SGCE: variants seen among roughly 807,000 people sequenced by gnomAD.
The protein encoded by SGCE is epsilon-sarcoglycan.
SGCE carries 26 observed loss-of-function variants against 57.8 expected under a neutral mutation model. That is an observed-to-expected ratio of 0.45 (90% CI 0.33 to 0.62). SGCE has a LOEUF of 0.62. SGCE is among the 20% of genes least tolerant of loss of function. The pLI, the probability that SGCE is intolerant of heterozygous loss-of-function variation, is 0.02. For synonymous variants in SGCE, 183 were observed against 189.5 expected, an observed-to-expected ratio of 0.97 and a Z score of 0.28; for missense variants, 468 against 548.6, an observed-to-expected ratio of 0.85 and a Z score of 1.47.
At chr7:94,618,995 A>G in intron 4 of SGCE, 39 bp from the exon 5 acceptor site, 2 of 1,363,782 alleles carry the variant, frequency 1.5e-6, no homozygotes, top group Non-Finnish European at 2.1e-6. Flanking sequence ...TCTTTAATGA[A>G]GTAGTCTTTT....
At chr7:94,646,025 C>T (rs1807020535) in intron 1 of SGCE, among the ~76,000 whole-genome samples, 1 of 152,054 alleles carries the variant, frequency 6.6e-6, no homozygotes, top group African/African-American at 2.4e-5. Context: ...ACTGTAGAGG[C>T]TACTCAGAAG....
At chr7:94,642,767 A>C (rs766611822) in intron 1 of SGCE, among the ~76,000 whole-genome samples, 1 of 152,214 alleles carries the variant, frequency 6.6e-6, no homozygotes, top group East Asian at 1.9e-4. Context: ...CAGGTGGCCA[A>C]ATTCTTCTCT....
At chr7:94,625,965 T>C (rs1803656466) in intron 3 of SGCE, 1 of 152,050 alleles carries the variant, frequency 6.6e-6, no homozygotes, top group South Asian at 2.1e-4. Context: ...GTATGAGATA[T>C]TCAGTACTGC....
chr7:94,598,908 T>C lies in SGCE; in HGVS notation c.1120A>G (p.Met374Val). ...IQKSTKELRD[M>V]SKNREIAWPL... ...CATGCTATCTCTCTATTCTTGGACA[T>C]GTCTCGAAGCTCCTTGGTAGATTTC... is the stretch of plus-strand genomic sequence containing the variant. Residue 374 changes from methionine to valine, a missense_variant, in exon 9 of 11, where the codon ATG becomes GTG. Transcript: ENST00000648936. The C allele has an allele frequency of 6.2e-7, 1 of 1,613,948 alleles. No individual in the cohort carries two copies. The highest frequency in any genetic ancestry group is 8.5e-7 in the Non-Finnish European group (1 of 1,179,876).
At chr7:94,633,677 T>C (rs926247734) in intron 1 of SGCE, among the ~76,000 whole-genome samples, 1 of 152,164 alleles carries the variant, frequency 6.6e-6, no homozygotes, top group Non-Finnish European at 1.5e-5. Context: ...CCTTTACTAA[T>C]AGTCCAGTGG....
At chr7:94,647,503 A>G (rs1807267219) in intron 1 of SGCE, among the ~76,000 whole-genome samples, 1 of 152,192 alleles carries the variant, frequency 6.6e-6, no homozygotes, top group African/African-American at 2.4e-5. Context: ...ACAAACAGCT[A>G]AAGTGCTCTT....
chr7:94,651,159 A>G (rs1283158000), intron 1 of SGCE, among the ~76,000 whole-genome samples: 1 of 152,202 alleles, frequency 6.6e-6, no homozygotes, highest in African/African-American at 2.4e-5. Flanking sequence ...GCCACCATAC[A>G]AAGTCATCTC....
At chr7:94,650,999 A>G (rs1807793033) in intron 1 of SGCE, among the ~76,000 whole-genome samples, 1 of 152,222 alleles carries the variant, frequency 6.6e-6, no homozygotes, top group Non-Finnish European at 1.5e-5. Context: ...AATGGACACA[A>G]TACTACAGAT....
Position 94,603,425 on chromosome 7 carries a change from G to A in SGCE, c.690C>T (p.Val230=). The change falls in exon 6 of 11, where the codon GTC becomes GTT. Residue 230 remains valine (V), a synonymous_variant. Transcript: ENST00000648936. ...EGVYVMVGAD[V]PFSSCLREVE... ...CTTCTCGTAAACAAGAAGAAAACGG[G>A]ACATCTGCACCAACCATGACATAAA... 1.2e-6 allele frequency: 2 copies of A among 1,613,222 alleles called. No individual in the cohort carries two copies. Among genetic ancestry groups the A allele is most frequent in the Non-Finnish European group, 1.7e-6 (2 of 1,179,490 alleles).
chr7:94,588,186 T>C (rs1436493043), intron 10 of SGCE: 50 of 1,079,570 alleles, frequency 4.6e-5, no homozygotes, highest in Non-Finnish European at 5.5e-5. Flanking sequence ...CCAAGGAGAA[T>C]TGTCCGCCAT....
At chr7:94,617,805 C>T (rs1802159730) in intron 5 of SGCE, 1 of 152,096 alleles carries the variant, frequency 6.6e-6, no homozygotes, top group Admixed American at 6.6e-5. Flanking sequence ...TACCCACAGA[C>T]TGCATCCATG....
At chr7:94,603,215 T>C in intron 6 of SGCE, 75 bp downstream of exon 6, 2 of 1,156,730 alleles carry the variant, frequency 1.7e-6, no homozygotes, top group South Asian at 2.6e-5. Context: ...CTAAAAGCAG[T>C]TCAGGTTTTA....
At chr7:94,599,637 A>G (rs1265353264) in intron 8 of SGCE, 60 bp downstream of exon 8, 4 of 1,332,294 alleles carry the variant, frequency 3.0e-6, no homozygotes, top group African/African-American at 1.4e-5. Context: ...ATGGAGCATG[A>G]TGGGCAACTG....
In SGCE at chr7:94,600,685, A is replaced by G. The variant is rs758035606; in HGVS notation, c.998T>C (p.Leu333Pro). The G allele has an allele frequency of 1.9e-6, 3 of 1,613,698 alleles. No homozygotes were observed. The highest frequency in any genetic ancestry group is 2.5e-6 in the Non-Finnish European group (3 of 1,179,822). ...VPSAVALVLF[L>P]ILAYIMCCRR... ...GCAGCACATGATATAAGCAAGTATT[A>G]GAAAAAGGACCAGTGCCACTGCCGA... The change falls in exon 7 of 11, where the codon CTA becomes CCA. Residue 333 changes from leucine to proline, a missense_variant. By Grantham distance (98) the Leu-to-Pro change is moderately conservative. Transcript: ENST00000648936.
chr7:94,628,850 G>A (rs1200351530), intron 2 of SGCE: 4 of 162,012 alleles, frequency 2.5e-5, no homozygotes, highest in Middle Eastern at 6.3e-3. Context: ...CATAACAACT[G>A]TACTAACGAC....
intron 9 of SGCE, chr7:94,588,964 T>C: frequency 1.9e-6 from 1 of 538,122 alleles, no homozygotes; most frequent in South Asian, 2.1e-5. Context: ...GGCTATACTC[T>C]AAAGTACCTC....
Position 94,618,920 on chromosome 7 carries a change from T to C in SGCE, c.500A>G (p.Lys167Arg), listed in dbSNP as rs779127500. The C allele has an allele frequency of 6.2e-7, 1 of 1,613,844 alleles. No homozygotes were observed. The highest frequency in any genetic ancestry group is 8.5e-7 in the Non-Finnish European group (1 of 1,179,876). The part of the protein sequence containing the change: ...PLPYQAEFFI[K>R]NMNVEEMLAS... ...CAACATTTCTTCTACATTCATATTCTTAATGAAGAATTCTGCTTGATATGG... is the reference window on the plus strand; with the variant it reads ...CAACATTTCTTCTACATTCATATTCCTAATGAAGAATTCTGCTTGATATGG... The change falls in exon 5 of 11, where the codon AAG (lysine) becomes AGG (arginine). Residue 167 changes from lysine (K) to arginine (R), a missense_variant. Coordinates refer to ENST00000648936, the MANE Select transcript of SGCE (RefSeq NM_003919.3).
At chr7:94,602,826 G>C (rs958319725) in intron 6 of SGCE, among the ~76,000 whole-genome samples, 2 of 152,236 alleles carry the variant, frequency 1.3e-5, no homozygotes, top group African/African-American at 4.8e-5. Context: ...ACTTGGAATT[G>C]TCTCTTGTTT....
At chr7:94,619,055 C>A (rs575076257) in intron 4 of SGCE, 99 bp from the exon 5 acceptor site, 11 of 854,270 alleles carry the variant, frequency 1.3e-5, no homozygotes, top group Non-Finnish European at 2.2e-5. Context: ...CTGTCATAAT[C>A]CTGGCAGCAG....
Sources: allele counts gnomAD v4.1 joint callset (sites outside exome capture counted in the v4.1 genomes callset), GRCh38; gene constraint gnomAD v4.1.1; transcripts MANE v1.5; gene names NCBI Gene and HGNC (gene_info 2026-07-23, HGNC 2026-07-21).